The following DLGAP1 variants were observed in gnomAD, a reference collection of about 807,000 sequenced individuals.
The protein encoded by DLGAP1 is DLG associated protein 1.
In DLGAP1, 11 loss-of-function variants were observed where a neutral mutation model predicts 90.8. That is an observed-to-expected ratio of 0.12 (90% CI 0.08 to 0.20). DLGAP1 has a LOEUF of 0.20. Among genes scored for constraint, DLGAP1 ranks in the 10% least tolerant of loss-of-function variants. The probability of loss-of-function intolerance (pLI) is 1.00; values close to 1 mark genes in which losing one functional copy is unlikely to be tolerated. For missense variants in DLGAP1, 1,050 were observed against 1,333.8 expected (o/e 0.79, Z 3.31); for synonymous variants, 558 against 540.7 (o/e 1.03, Z -0.44).
At chr18:3,694,480 A>C (rs1198075553) in intron 7 of DLGAP1, among the ~76,000 whole-genome samples, 3 of 152,220 alleles carry the variant, frequency 2.0e-5, no homozygotes, top group Non-Finnish European at 4.4e-5. Flanking sequence ...CAATGGTTGA[A>C]CTAATTTACA....
At chr18:3,568,623 C>T (rs983657944) in intron 8 of DLGAP1, among the ~76,000 whole-genome samples, 1 of 151,940 alleles carries the variant, frequency 6.6e-6, no homozygotes, top group Non-Finnish European at 1.5e-5. Context: ...GAATTATTGT[C>T]AATTATTTGA....
chr18:3,621,398 C>G (rs921435638), intron 7 of DLGAP1, among the ~76,000 whole-genome samples: 1 of 152,108 alleles, frequency 6.6e-6, no homozygotes, highest in Non-Finnish European at 1.5e-5. Context: ...TCTGTTAAAT[C>G]AAGTTTAGCC....
intron 1 of DLGAP1, among the ~76,000 whole-genome samples, chr18:4,433,083 A>G (rs150782073): frequency 0.01 from 1,543 of 152,290 alleles, 14 homozygotes; most frequent in Middle Eastern, 0.02. Context: ...TTTTTTCCCC[A>G]TACAGTTCAA....
At chr18:3,594,436 A>G (rs1318287503) in intron 7 of DLGAP1, 1 of 146,704 alleles carries the variant, frequency 6.8e-6, no homozygotes, top group African/African-American at 2.5e-5. Context: ...CTTGTGGCCA[A>G]GCCTGGAACA....
chr18:4,300,165 C>A (rs1267937195), intron 1 of DLGAP1, among the ~76,000 whole-genome samples: 1 of 152,084 alleles, frequency 6.6e-6, no homozygotes, highest in African/African-American at 2.4e-5. Flanking sequence ...GGAATTTAAT[C>A]CACAATGATA....
At chr18:3,810,803 A>C in intron 5 of DLGAP1, among the ~76,000 whole-genome samples, 1 of 152,012 alleles carries the variant, frequency 6.6e-6, no homozygotes, top group South Asian at 2.1e-4. Flanking sequence ...TGGTTAAACT[A>C]TTAATTAATT....
At chr18:3,682,135 A>AAAAAAAAAT (rs1567956191) in intron 7 of DLGAP1, among the ~76,000 whole-genome samples, 3 of 147,694 alleles carry the variant, frequency 2.0e-5, no homozygotes, top group Admixed American at 6.8e-5. Flanking sequence ...AAAAAATAAA[A>AAAAAAAAAT]AAAAATAAAA....
At chr18:3,617,635 T>C (rs1302982037) in intron 7 of DLGAP1, among the ~76,000 whole-genome samples, 1 of 148,030 alleles carries the variant, frequency 6.8e-6, no homozygotes, top group Non-Finnish European at 1.5e-5. Context: ...CACAGAGACA[T>C]GAAGTGAGCA....
chr18:3,728,987 A>C (rs1045752859), intron 7 of DLGAP1, 148 bp downstream of exon 7: 1 of 1,235,892 alleles, frequency 8.1e-7, no homozygotes, highest in Admixed American at 2.8e-5. Context: ...ATAGAGGCAG[A>C]TAGGGAAGGA....
At chr18:4,188,621 C>T (rs1179424335) in intron 1 of DLGAP1, among the ~76,000 whole-genome samples, 1 of 152,112 alleles carries the variant, frequency 6.6e-6, no homozygotes, top group Admixed American at 6.6e-5. Flanking sequence ...CAGCTTCATC[C>T]ATGTCCCCGC....
At chr18:4,218,065 C>T (rs9962936) in intron 1 of DLGAP1, among the ~76,000 whole-genome samples, 4,899 of 150,852 alleles carry the variant, frequency 0.032, 129 homozygotes, top group African/African-American at 0.067. Context: ...TGTCTGTCTA[C>T]GATTTATTTT....
At chr18:4,256,836 G>A (rs1334134542) in intron 1 of DLGAP1, among the ~76,000 whole-genome samples, 3 of 152,152 alleles carry the variant, frequency 2.0e-5, no homozygotes, top group Admixed American at 1.3e-4. Flanking sequence ...AGGCTTCCTC[G>A]ATAGCCTGAG....
chr18:3,833,212 TCCTTCCTTCCTTCCTTCCTTCCTTCCTC>T (rs2068159257), intron 4 of DLGAP1, among the ~76,000 whole-genome samples: 12 of 46,256 alleles, frequency 2.6e-4, no homozygotes, highest in Non-Finnish European at 4.1e-4. Context: ...CTTCCTTCCT[TCCTTCCTTCCTTCCTTCCTTCCTTCCTC>T]CTTGTTTTTT....
At chr18:4,171,877 T>C (rs894333940) in intron 1 of DLGAP1, among the ~76,000 whole-genome samples, 4 of 152,194 alleles carry the variant, frequency 2.6e-5, no homozygotes, top group African/African-American at 7.2e-5. Flanking sequence ...TGAGTGTATA[T>C]TGGAAAAAAA....
intron 3 of DLGAP1, among the ~76,000 whole-genome samples, chr18:3,927,568 G>A (rs141580798): frequency 0.015 from 2,216 of 152,210 alleles, 33 homozygotes; most frequent in Middle Eastern, 0.031. Context: ...AATTTTTATC[G>A]TATCAGCAGA....
intron 3 of DLGAP1, chr18:3,993,305 A>C (rs2074005213): frequency 6.6e-6 from 1 of 152,216 alleles, no homozygotes; most frequent in Admixed American, 6.5e-5. Context: ...GAAAAAAGAA[A>C]AGAAACAGAA....
At chr18:3,776,564 T>C (rs3786443) in intron 5 of DLGAP1, among the ~76,000 whole-genome samples, 49,966 of 152,044 alleles carry the variant, frequency 0.33, 8,326 homozygotes, top group Admixed American at 0.35. Flanking sequence ...CTTGGGGCTG[T>C]GCCGACTCTC....
chr18:3,840,936 G>C (rs534169785), intron 4 of DLGAP1, among the ~76,000 whole-genome samples: 21 of 152,254 alleles, frequency 1.4e-4, no homozygotes, highest in African/African-American at 4.8e-4. Flanking sequence ...TCTGTGTTCT[G>C]GTTTGAATTA....
rs2053633897 is a variant in DLGAP1 at position 3,554,324 on chromosome 18, C to T, written c.2057+13166G>A. ...AGTCCTGCATATCAGCAAACACATGCTATGTGTGTCCTATAGAGCGGTACC... is the reference window on the plus strand; with the variant it reads ...AGTCCTGCATATCAGCAAACACATGTTATGTGTGTCCTATAGAGCGGTACC... On this transcript the variant is annotated intron_variant, in intron 9 of 12. Coordinates refer to ENST00000315677, the MANE Select transcript of DLGAP1 (RefSeq NM_004746.4). Among the ~76,000 whole-genome samples, 3 of 152,168 alleles carry T rather than the reference C, an allele frequency of 2.0e-5. No individual in the cohort carries two copies. The South Asian group carries it at 6.2e-4, about 32-fold the overall frequency.
Sources: allele counts gnomAD v4.1 joint callset (sites outside exome capture counted in the v4.1 genomes callset), GRCh38; gene constraint gnomAD v4.1.1; transcripts MANE v1.5; gene names NCBI Gene and HGNC (gene_info 2026-07-23, HGNC 2026-07-21).